Variants in PARP14 observed in about 807,000 individuals in gnomAD.
PARP14 encodes the protein protein mono-ADP-ribosyltransferase PARP14.
A neutral mutation model predicts 154.2 loss-of-function variants in PARP14; 59 were observed. The ratio of observed to expected loss-of-function variants is 0.38; its 90% CI spans 0.31 to 0.48. The LOEUF (loss-of-function observed/expected upper bound fraction) is 0.48. Among genes scored for constraint, PARP14 ranks in the 20% least tolerant of loss-of-function variants. PARP14 has a pLI of 0.98. For synonymous variants in PARP14, 720 were observed against 780.5 expected (o/e 0.92, Z 1.29); for missense variants, 1,734 against 2,131.6 (o/e 0.81, Z 3.67).
Position 122,718,545 on chromosome 3 carries a change from A to G in PARP14, c.4394A>G (p.Lys1465Arg). The stretch of plus-strand genomic sequence containing the variant: ...TACACCAGTGAAGATGAGTGCATCA[A>G]AGACTTTGATGAAAAGGAGTATCAG... Reference protein sequence around the residue: ...CPYTSEDECIKDFDEKEYQEL... With the variant: ...CPYTSEDECIRDFDEKEYQEL... Residue 1465 changes from lysine (K) to arginine (R), a missense_variant, in exon 14 of 17, where the codon AAA (lysine) becomes AGA (arginine). Physicochemically the swap from Lys to Arg is conservative, Grantham distance 26 (BLOSUM62 2). Coordinates refer to ENST00000474629, the MANE Select transcript of PARP14 (RefSeq NM_017554.3). The G allele has an allele frequency of 1.2e-6, 2 of 1,613,942 alleles. No homozygotes were observed. The highest frequency in any genetic ancestry group is 1.7e-6 in the Non-Finnish European group (2 of 1,179,816).
rs942587371 is a variant in PARP14, at chr3:122,716,463, G to A, written c.4001-1608G>A. On this transcript the variant is annotated intron_variant, in intron 12 of 16. Coordinates refer to ENST00000474629, the MANE Select transcript of PARP14 (RefSeq NM_017554.3). ...GGAGATAGAAAGATAACTAAGAAAA[G>A]GATCCAGTTCACAAGGAGCACTGAG... Among the ~76,000 whole-genome samples, 3 of 152,306 alleles carry A rather than the reference G, an allele frequency of 2.0e-5. No individual in the cohort carries two copies. The East Asian group carries it at 5.8e-4, about 29-fold the overall frequency.
chr3:122,714,757 C>T (rs1042339521), intron 12 of PARP14, among the ~76,000 whole-genome samples: 4 of 152,152 alleles, frequency 2.6e-5, no homozygotes, highest in African/African-American at 7.2e-5. Context: ...GTTACTTTCC[C>T]TTTTTCCATT....
chr3:122,686,174 G>A (rs771319250), intron 2 of PARP14, among the ~76,000 whole-genome samples: 3 of 152,090 alleles, frequency 2.0e-5, no homozygotes, highest in Non-Finnish European at 4.4e-5. Flanking sequence ...CTTTTTTAGA[G>A]GCAGGGTCTC....
chr3:122,725,209 G>C (rs540822123), intron 15 of PARP14, among the ~76,000 whole-genome samples: 1 of 152,238 alleles, frequency 6.6e-6, no homozygotes, highest in African/African-American at 2.4e-5. Context: ...GGGCAAAGGC[G>C]CTCACTTCCC....
rs1576597645 is a variant in PARP14 at position 122,714,191 on chromosome 3, C to T, written c.3833-71C>T. On this transcript the variant is annotated intron_variant, in intron 11 of 16. Transcript: ENST00000474629. ...CAAAATGCTTACTTGCCAAGTTATA[C>T]ATTTTGCTTTCTAAACAAATGACGG... 1.4e-5 allele frequency: 17 copies of T among 1,256,030 alleles called. No individual in the cohort carries two copies. The East Asian group carries it at 3.3e-4, about 25-fold the overall frequency. 77.8% of individuals were successfully genotyped at this position (1,256,030 alleles called of 1,614,324 possible).
intron 8 of PARP14, among the ~76,000 whole-genome samples, chr3:122,706,352 ATGGAGAC>A (rs1939149600): frequency 6.6e-6 from 1 of 152,220 alleles, no homozygotes; most frequent in Non-Finnish European, 1.5e-5. Flanking sequence ...ATGTTTATAG[ATGGAGAC>A]TGTCACAGAG....
At chr3:122,682,336 G>A (rs577720655) in intron 1 of PARP14, among the ~76,000 whole-genome samples, 3 of 152,184 alleles carry the variant, frequency 2.0e-5, no homozygotes, top group Admixed American at 2.0e-4. Context: ...ATCCTTAGAA[G>A]TAGGTCTGAC....
In PARP14 at chr3:122,695,457, G is replaced by A. The variant is rs1327010657; in HGVS notation, c.630G>A (p.Lys210=). 6.3e-7 allele frequency: 1 copy of A among 1,595,542 alleles called. No individual in the cohort carries two copies. The highest frequency in any genetic ancestry group is 1.3e-5 in the African/African-American group (1 of 74,436). ...TAAGATTTGTTGATGATTGTACCAA[G>A]CACCATTCAATTAAACAACTTCAGC... is the stretch of plus-strand genomic sequence containing the variant. ...DTIRFVDDCT[K]HHSIKQLQLS... Residue 210 remains lysine, a synonymous_variant, in exon 5 of 17, where the codon AAG becomes AAA. Coordinates refer to ENST00000474629, the MANE Select transcript of PARP14 (RefSeq NM_017554.3).
intron 9 of PARP14, among the ~76,000 whole-genome samples, chr3:122,713,146 C>A (rs1386082795): frequency 1.3e-5 from 2 of 152,164 alleles, no homozygotes; most frequent in Non-Finnish European, 2.9e-5. Flanking sequence ...TTGTATTTGT[C>A]CTGTTTTTAG....
chr3:122,704,875 T>C, intron 8 of PARP14, 127 bp downstream of exon 8: 1 of 619,210 alleles, frequency 1.6e-6, no homozygotes, highest in Non-Finnish European at 2.9e-6. Flanking sequence ...AGGTAGTTTA[T>C]ACTTGTAGTT....
At position 122,701,324 on chromosome 3, in the gene PARP14, G is replaced by A; in HGVS notation, c.2770G>A (p.Gly924Arg). ...CATAGCCATCCCAGCTATTAGTTCT[G>A]GAGTCTTTGGCTTTCCCTTAGGCCG... ...RSIAIPAISS[G>R]VFGFPLGRCV... The change falls in exon 6 of 17, where the codon GGA (glycine) becomes AGA (arginine). Residue 924 changes from glycine (G) to arginine (R), a missense_variant. Gly to Arg is a moderately radical substitution (Grantham distance 125). Coordinates refer to ENST00000474629, the MANE Select transcript of PARP14 (RefSeq NM_017554.3). This position sits in a 1 kb window ranked among gnomAD's most constrained non-coding sequence, Gnocchi z 4.0. 1 of 1,614,034 alleles carries A rather than the reference G, an allele frequency of 6.2e-7. No homozygotes were observed. Among genetic ancestry groups the A allele is most frequent in the Non-Finnish European group, 8.5e-7 (1 of 1,179,890 alleles).
intron 3 of PARP14, among the ~76,000 whole-genome samples, chr3:122,688,901 C>T (rs578244322): frequency 6.6e-6 from 1 of 152,086 alleles, no homozygotes; most frequent in East Asian, 1.9e-4. Flanking sequence ...GCTGACAGGG[C>T]AGGGAAAGGC....
rs559500035 is a variant in PARP14, at chr3:122,712,564, T to C, written c.3620-860T>C. On this transcript the variant is annotated intron_variant, in intron 9 of 16. Coordinates refer to ENST00000474629, the MANE Select transcript of PARP14 (RefSeq NM_017554.3). ...TGCCTGGCCAGGATTGACATCTTTTTTTTTTTGAGACAGAGTCTCACTCTG... is the reference window on the plus strand; with the variant it reads ...TGCCTGGCCAGGATTGACATCTTTTCTTTTTTGAGACAGAGTCTCACTCTG... Among the ~76,000 whole-genome samples the C allele has an allele frequency of 2.7e-5, 4 of 150,030 alleles. No homozygotes were observed. In the East Asian group the frequency reaches 8.0e-4, roughly 30 times the overall value.
In PARP14 at chr3:122,718,196, C is replaced by T; in HGVS notation, c.4126C>T (p.Leu1376=). ...VKVVIFLPQV[L]DVFYANMKKR... ...AGTTGTTATCTTTCTGCCTCAAGTA[C>T]TGGATGTGTTTTATGCCAACATGAA... The change falls in exon 13 of 17, where the codon CTG becomes TTG. Residue 1376 remains leucine, a synonymous_variant. Transcript: ENST00000474629. 1.2e-6 allele frequency: 2 copies of T among 1,613,510 alleles called. No homozygotes were observed. Among genetic ancestry groups the T allele is most frequent in the Middle Eastern group, 1.6e-4 (1 of 6,062 alleles).
At position 122,703,949 on chromosome 3, in the gene PARP14, T is replaced by G. The variant is rs1455845667; in HGVS notation, c.3289T>G (p.Trp1097Gly). 8.7e-6 allele frequency: 14 copies of G among 1,613,598 alleles called. No homozygotes were observed. The highest frequency in any genetic ancestry group is 1.3e-5 in the African/African-American group (1 of 74,904). ...RYVLHVVAPE[W>G]RNGSTSSLKI... The stretch of plus-strand genomic sequence containing the variant: ...TGTGCTTCACGTGGTAGCTCCGGAG[T>G]GGAGAAATGGTAGCACATCTTCACT... The change falls in exon 7 of 17, where the codon TGG (tryptophan) becomes GGG (glycine). Residue 1097 changes from tryptophan (W) to glycine (G), a missense_variant. Around this residue, in one of 2 missense-constraint regions of PARP14, gnomAD observed 1,646 missense variants for 1,976.0 expected, o/e 0.83. Coordinates refer to ENST00000474629, the MANE Select transcript of PARP14 (RefSeq NM_017554.3).
intron 3 of PARP14, among the ~76,000 whole-genome samples, chr3:122,691,193 C>A (rs548846436): frequency 1.7e-4 from 26 of 152,298 alleles, no homozygotes; most frequent in African/African-American, 5.5e-4. Context: ...TCCTCATATA[C>A]CTCCATTAGA....
chr3:122,689,313 C>A (rs1016348676), intron 3 of PARP14, among the ~76,000 whole-genome samples: 2 of 152,098 alleles, frequency 1.3e-5, no homozygotes, highest in South Asian at 2.1e-4. Context: ...ATCATAGAGA[C>A]CTATTTATTT....
In PARP14 at chr3:122,723,338, T is replaced by A. The variant is rs183317152; in HGVS notation, c.4941+2950T>A. 1.6e-4 allele frequency among the ~76,000 whole-genome samples: 25 copies of A among 152,298 alleles called. No individual in the cohort carries two copies. The East Asian group carries it at 4.2e-3, about 26-fold the overall frequency. On this transcript the variant is annotated intron_variant, in intron 15 of 16. Coordinates refer to ENST00000474629, the MANE Select transcript of PARP14 (RefSeq NM_017554.3). ...GTTCACACACGGTTTGGACATTATG[T>A]CTCCTTTGTGTCTTCTAATATAGAG... is the stretch of plus-strand genomic sequence containing the variant.
intron 12 of PARP14, among the ~76,000 whole-genome samples, chr3:122,716,891 C>A (rs1212452740): frequency 6.6e-6 from 1 of 152,154 alleles, no homozygotes; most frequent in African/African-American, 2.4e-5. Context: ...TGTTGATCAC[C>A]TGTTCATCCC....
Sources: allele counts gnomAD v4.1 joint callset (sites outside exome capture counted in the v4.1 genomes callset), GRCh38; gene constraint gnomAD v4.1.1; regional missense constraint gnomAD v4.1.1; non-coding constraint Gnocchi (gnomAD v3.1); transcripts MANE v1.5; gene names NCBI Gene and HGNC (gene_info 2026-07-23, HGNC 2026-07-21).